The following CACNB2 variants were observed in gnomAD, a reference collection of about 807,000 sequenced individuals.
CACNB2 encodes the protein calcium voltage-gated channel auxiliary subunit beta 2, also known as voltage-dependent L-type calcium channel subunit beta-2.
Under a neutral mutation model 73.3 loss-of-function variants are expected in CACNB2, and 42 were observed. The observed-to-expected ratio is 0.57, with a 90% CI of 0.45 to 0.74. The LOEUF (loss-of-function observed/expected upper bound fraction) is 0.74, where lower values mean the gene tolerates loss of function less well. Ranked by LOEUF, CACNB2 falls within the 30% of genes least tolerant of loss-of-function variation. CACNB2 has a pLI of 0.00. For missense variants in CACNB2, 940 were observed against 853.0 expected (o/e 1.10, Z -1.27); for synonymous variants, 348 against 310.3 (o/e 1.12, Z -1.28).
intron 5 of CACNB2, among the ~76,000 whole-genome samples, chr10:18,501,586 T>C (rs778991256): frequency 2.6e-5 from 4 of 152,232 alleles, no homozygotes; most frequent in Non-Finnish European, 4.4e-5. Context: ...TTCTCGTAGA[T>C]GTACTGAATT....
At chr10:18,410,465 A>T (rs1014171494) in intron 3 of CACNB2, among the ~76,000 whole-genome samples, 1 of 152,198 alleles carries the variant, frequency 6.6e-6, no homozygotes, top group African/African-American at 2.4e-5. Context: ...GAAAGAAGAA[A>T]CATGAACATG....
intron 2 of CACNB2, among the ~76,000 whole-genome samples, chr10:18,176,078 G>GAATATTTC (rs1480602186): frequency 9.9e-5 from 15 of 152,194 alleles, no homozygotes; most frequent in African/African-American, 3.1e-4. Flanking sequence ...TTATACATGA[G>GAATATTTC]AATATTTCAT....
chr10:18,163,197 G>C (rs1386765822), intron 2 of CACNB2, among the ~76,000 whole-genome samples: 1 of 152,170 alleles, frequency 6.6e-6, no homozygotes, highest in African/African-American at 2.4e-5. Context: ...ACTCTAGTGA[G>C]TACTTTATTT....
intron 2 of CACNB2, among the ~76,000 whole-genome samples, chr10:18,247,556 T>TA (rs201736567): frequency 2.9e-4 from 44 of 150,030 alleles, no homozygotes; most frequent in South Asian, 2.1e-3. Context: ...CATCATCTCT[T>TA]AAAAAAAAAA....
intron 3 of CACNB2, among the ~76,000 whole-genome samples, chr10:18,463,034 G>A (rs969041828): frequency 2.0e-5 from 3 of 152,208 alleles, no homozygotes; most frequent in Admixed American, 2.0e-4. Context: ...TAGGATTACA[G>A]GCAAGAGCCA....
At chr10:18,186,795 T>G in intron 2 of CACNB2, among the ~76,000 whole-genome samples, 1 of 152,146 alleles carries the variant, frequency 6.6e-6, no homozygotes, top group Non-Finnish European at 1.5e-5. Context: ...AGGATTACAA[T>G]TCAACATGAG....
chr10:18,276,527 T>C (rs1160848710), intron 2 of CACNB2, among the ~76,000 whole-genome samples: 1 of 152,078 alleles, frequency 6.6e-6, no homozygotes, highest in Admixed American at 6.5e-5. Flanking sequence ...GAGGGCTGGA[T>C]ACAGTGGCAC....
At chr10:18,519,307 T>TAATAG (rs2051604075) in intron 9 of CACNB2, among the ~76,000 whole-genome samples, 1 of 152,174 alleles carries the variant, frequency 6.6e-6, no homozygotes, top group South Asian at 2.1e-4. Context: ...TCCACTCTTC[T>TAATAG]AAAAGACTTC....
intron 3 of CACNB2, among the ~76,000 whole-genome samples, chr10:18,411,604 G>T (rs373386852): frequency 1.3e-5 from 2 of 151,392 alleles, no homozygotes; most frequent in African/African-American, 4.9e-5. Flanking sequence ...TGCCTCCTGG[G>T]TTCAAGCAAT....
In CACNB2 at chr10:18,141,125, G is replaced by A. The variant is rs533566529; in HGVS notation, c.120+269G>A. Reference sequence around the variant, plus strand: ...CTGCCAGTCCTCCCAGACTTCTCCCGGGTTGCTCCAGCTGGCCCTCCTCGC... The same window carrying A: ...CTGCCAGTCCTCCCAGACTTCTCCCAGGTTGCTCCAGCTGGCCCTCCTCGC... On this transcript the variant is annotated intron_variant, in intron 1 of 13. Coordinates refer to ENST00000324631, the MANE Select transcript of CACNB2 (RefSeq NM_201596.3). The A allele has an allele frequency of 1.1e-4, 170 of 1,549,846 alleles. 1 individual carries two copies. The East Asian group carries it at 3.8e-3, about 35-fold the overall frequency.
intron 2 of CACNB2, among the ~76,000 whole-genome samples, chr10:18,218,318 C>T (rs556234297): frequency 2.3e-4 from 35 of 152,260 alleles, no homozygotes; most frequent in African/African-American, 3.6e-4. Context: ...GTCAGACAGA[C>T]GAACTGATTT....
At chr10:18,487,722 C>G (rs1293899633) in intron 3 of CACNB2, among the ~76,000 whole-genome samples, 2 of 151,968 alleles carry the variant, frequency 1.3e-5, no homozygotes, top group Non-Finnish European at 2.9e-5. Flanking sequence ...ATAGTCCCAG[C>G]TACTTGGGAG....
At chr10:18,340,741 G>A in intron 2 of CACNB2, 3 of 1,487,074 alleles carry the variant, frequency 2.0e-6, no homozygotes, top group Non-Finnish European at 8.9e-7. Context: ...GAGCTGTTGT[G>A]ATCCGACGAA....
At chr10:18,428,088 T>G (rs570586158) in intron 3 of CACNB2, among the ~76,000 whole-genome samples, 1 of 152,130 alleles carries the variant, frequency 6.6e-6, no homozygotes, top group African/African-American at 2.4e-5. Context: ...TTCATTTTGA[T>G]TTTTTTATTG....
chr10:18,284,911 T>C (rs1342807889), intron 2 of CACNB2, among the ~76,000 whole-genome samples: 1 of 152,224 alleles, frequency 6.6e-6, no homozygotes, highest in African/African-American at 2.4e-5. Flanking sequence ...TAGGGAGTAC[T>C]AAATCACAGA....
At chr10:18,357,920 A>G (rs1450683351) in intron 2 of CACNB2, among the ~76,000 whole-genome samples, 1 of 152,116 alleles carries the variant, frequency 6.6e-6, no homozygotes. Context: ...TAAACTCCTT[A>G]AGCTCCTCCT....
chr10:18,449,534 A>G (rs2046914613), intron 3 of CACNB2, among the ~76,000 whole-genome samples: 1 of 152,228 alleles, frequency 6.6e-6, no homozygotes, highest in African/African-American at 2.4e-5. Flanking sequence ...TAAGAACCGT[A>G]GATACTTACA....
At chr10:18,442,946 ATATATATATATGTATATATATATGTG>A (rs1564553396) in intron 3 of CACNB2, among the ~76,000 whole-genome samples, 19 of 58,240 alleles carry the variant, frequency 3.3e-4, no homozygotes, top group South Asian at 6.8e-4. Flanking sequence ...ATATATGTGT[ATATATATATATGTATATATATATGTG>A]TATATATATA....
intron 3 of CACNB2, among the ~76,000 whole-genome samples, chr10:18,411,217 T>C (rs1047119124): frequency 2.0e-5 from 3 of 152,042 alleles, no homozygotes; most frequent in African/African-American, 4.8e-5. Context: ...CGTTTGTTTA[T>C]TGTTCAAATA....
Sources: allele counts gnomAD v4.1 joint callset (sites outside exome capture counted in the v4.1 genomes callset), GRCh38; gene constraint gnomAD v4.1.1; transcripts MANE v1.5; gene names NCBI Gene and HGNC (gene_info 2026-07-23, HGNC 2026-07-21).